Variants in SLC60A2 observed in about 807,000 individuals in gnomAD.
SLC60A2 encodes major facilitator superfamily domain containing 4B.
chr6:111,262,325 T>C, the SLC60A2 span: 7 of 1,614,070 alleles, frequency 4.3e-6, no homozygotes, highest in South Asian at 7.7e-5. Flanking sequence ...GAAATATCAG[T>C]AGTCTGTCTT....
the SLC60A2 span, among the ~76,000 whole-genome samples, chr6:111,260,239 G>C: frequency 6.6e-6 from 1 of 152,144 alleles, no homozygotes; most frequent in Non-Finnish European, 1.5e-5. Context: ...CTCCTTCGTC[G>C]GATGGGAAGG....
the SLC60A2 span, chr6:111,265,251 T>C: frequency 1.7e-5 from 16 of 963,334 alleles, no homozygotes; most frequent in Non-Finnish European, 2.0e-5. Context: ...TATATATTTA[T>C]CTGAAAATAT....
At chr6:111,269,087 G>A in the SLC60A2 span, 2,506 of 152,116 alleles carry the variant, frequency 0.016, 28 homozygotes, top group South Asian at 0.061. Flanking sequence ...ACCACTGCCC[G>A]CCCATTCACC....
the SLC60A2 span, among the ~76,000 whole-genome samples, chr6:111,262,626 A>C: frequency 2.0e-5 from 3 of 152,230 alleles, no homozygotes. Flanking sequence ...TCCCTCTGGA[A>C]ATTTAGATTA....
chr6:111,274,102 C>T, the SLC60A2 span, among the ~76,000 whole-genome samples: 1 of 152,156 alleles, frequency 6.6e-6, no homozygotes, highest in African/African-American at 2.4e-5. Context: ...GCATTCCTCC[C>T]ACTTTGGCCT....
chr6:111,278,352 G>A, the SLC60A2 span: 1 of 152,100 alleles, frequency 6.6e-6, no homozygotes, highest in Non-Finnish European at 1.5e-5. Context: ...AACATTCAAG[G>A]TTTTATTGTT....
chr6:111,260,751 G>A, the SLC60A2 span, among the ~76,000 whole-genome samples: 1 of 152,138 alleles, frequency 6.6e-6, no homozygotes, highest in Non-Finnish European at 1.5e-5. Flanking sequence ...GGTGGGGAGG[G>A]GTGAAGAAAG....
chr6:111,275,469 G>A, the SLC60A2 span, among the ~76,000 whole-genome samples: 2 of 151,022 alleles, frequency 1.3e-5, no homozygotes, highest in African/African-American at 4.9e-5. Flanking sequence ...GAGTGCAATG[G>A]CATGATCTTG....
the SLC60A2 span, chr6:111,266,963 A>G: frequency 6.2e-7 from 1 of 1,614,224 alleles, no homozygotes; most frequent in Non-Finnish European, 8.5e-7. Flanking sequence ...GGCATTCTAT[A>G]ATAGAGACAT....
At chr6:111,266,025 G>A in the SLC60A2 span, 1 of 1,613,962 alleles carries the variant, frequency 6.2e-7, no homozygotes, top group Non-Finnish European at 8.5e-7. Flanking sequence ...AAACCACACA[G>A]AGTCTGACTT....
the SLC60A2 span, among the ~76,000 whole-genome samples, chr6:111,279,302 C>T: frequency 2.7e-5 from 4 of 150,882 alleles, no homozygotes; most frequent in South Asian, 8.4e-4. Context: ...CGCTCTATTG[C>T]CCAGGCTGGA....
chr6:111,266,516 C>T, the SLC60A2 span: 10 of 1,614,026 alleles, frequency 6.2e-6, no homozygotes, highest in South Asian at 3.3e-5. Flanking sequence ...TTGACAAGAA[C>T]CCAATTTGTC....
chr6:111,265,387 C>G, the SLC60A2 span: 1 of 985,290 alleles, frequency 1.0e-6, no homozygotes, highest in Non-Finnish European at 1.2e-6. Context: ...ATACCAGAAT[C>G]CTGGCTATTC....
chr6:111,262,168 C>G, the SLC60A2 span: 5 of 1,069,152 alleles, frequency 4.7e-6, no homozygotes, highest in Non-Finnish European at 6.8e-6. Flanking sequence ...CCTCCGCCCC[C>G]CTTTTTTTTT....
the SLC60A2 span, chr6:111,269,826 T>A: frequency 6.6e-6 from 1 of 152,216 alleles, no homozygotes; most frequent in Admixed American, 6.5e-5. Context: ...AGGAAAAGAC[T>A]TAGTACAATT....
At chr6:111,277,239 ATG>A in the SLC60A2 span, among the ~76,000 whole-genome samples, 5 of 152,250 alleles carry the variant, frequency 3.3e-5, no homozygotes, top group African/African-American at 1.2e-4. Context: ...AGGTCCTGGG[ATG>A]GATGGCCTGG....
the SLC60A2 span, chr6:111,265,813 T>A: frequency 8.4e-7 from 1 of 1,190,548 alleles, no homozygotes; most frequent in Admixed American, 2.6e-5. Flanking sequence ...ATAAGTGAAC[T>A]TTTTTTTTTA....
chr6:111,266,196 GA>G, the SLC60A2 span: 15 of 1,612,472 alleles, frequency 9.3e-6, no homozygotes, highest in Non-Finnish European at 1.1e-5. Flanking sequence ...CTCAAAGCAA[GA>G]AAAAGCAAGA....
the SLC60A2 span, among the ~76,000 whole-genome samples, chr6:111,276,391 G>C: frequency 3.3e-5 from 5 of 152,134 alleles, no homozygotes; most frequent in Non-Finnish European, 5.9e-5. Context: ...TTCCAGAAGA[G>C]AGTAGCTTTA....
Sources: gnomAD v4.1 joint callset for allele counts (sites outside exome capture counted in the v4.1 genomes callset) on GRCh38, gnomAD v4.1.1 for gene constraint, MANE v1.5 for transcripts, NCBI Gene and HGNC (gene_info 2026-07-23, HGNC 2026-07-21) for gene names.